Variants in SEC31A observed in about 807,000 individuals in gnomAD.
SEC31A encodes the protein protein transport protein Sec31A.
In SEC31A, 70 loss-of-function variants were observed where a neutral mutation model predicts 151.0. The ratio of observed to expected loss-of-function variants is 0.46; its 90% CI spans 0.38 to 0.57. The LOEUF (loss-of-function observed/expected upper bound fraction) is 0.57, where lower values mean the gene tolerates loss of function less well. Ranked by LOEUF, SEC31A falls within the 20% of genes least tolerant of loss-of-function variation. SEC31A has a pLI of 0.00. For synonymous variants in SEC31A, 475 were observed against 505.9 expected, an observed-to-expected ratio of 0.94 and a Z score of 0.82; for missense variants, 1,330 against 1,471.2, an observed-to-expected ratio of 0.90 and a Z score of 1.57.
chr4:82,822,474 G>A (rs562158867), intron 25 of SEC31A, among the ~76,000 whole-genome samples: 1 of 152,262 alleles, frequency 6.6e-6, no homozygotes, highest in Admixed American at 6.5e-5. Flanking sequence ...AATGCTCTTG[G>A]TGTGTTCAAG....
At chr4:82,841,948 G>C (rs1228860227) in intron 22 of SEC31A, among the ~76,000 whole-genome samples, 192 bp downstream of exon 22, 1 of 151,360 alleles carries the variant, frequency 6.6e-6, no homozygotes, top group Non-Finnish European at 1.5e-5. Context: ...CTACAGCCTG[G>C]GTGACAGAGA....
intron 23 of SEC31A, among the ~76,000 whole-genome samples, chr4:82,827,987 TC>T (rs1266429542): frequency 6.6e-6 from 1 of 151,834 alleles, no homozygotes; most frequent in African/African-American, 2.4e-5. Flanking sequence ...CAATCTCAGC[TC>T]ACTGCAACCT....
intron 1 of SEC31A, among the ~76,000 whole-genome samples, chr4:82,889,752 T>C (rs972734988): frequency 1.3e-5 from 2 of 152,240 alleles, no homozygotes; most frequent in Admixed American, 6.5e-5. Context: ...TTAAGCAATA[T>C]CATTATAAAT....
chr4:82,894,330 AT>A (rs1719969963), upstream of SEC31A: 1 of 152,034 alleles, frequency 6.6e-6, no homozygotes, highest in African/African-American at 2.4e-5. Flanking sequence ...TCCTGTTACA[AT>A]TTTTCAATGA....
At chr4:82,840,778 G>A (rs950201132) in intron 22 of SEC31A, among the ~76,000 whole-genome samples, 2 of 152,088 alleles carry the variant, frequency 1.3e-5, no homozygotes, top group Non-Finnish European at 2.9e-5. Flanking sequence ...CATGGTATTT[G>A]TGTTCTAAAC....
chr4:82,859,837 G>A (rs1343722427), intron 14 of SEC31A, among the ~76,000 whole-genome samples: 1 of 150,170 alleles, frequency 6.7e-6, no homozygotes, highest in South Asian at 2.1e-4. Flanking sequence ...TGTCGCCCAG[G>A]CTGGAGTGCA....
intron 20 of SEC31A, 57 bp from the exon 21 acceptor site, chr4:82,844,566 A>G (rs1729642595): frequency 7.2e-6 from 11 of 1,528,608 alleles, no homozygotes; most frequent in Middle Eastern, 1.7e-4. Context: ...GAACTTCACC[A>G]GATGGAATTA....
intron 22 of SEC31A, among the ~76,000 whole-genome samples, chr4:82,836,604 A>G (rs1035333622): frequency 7.2e-5 from 11 of 152,180 alleles, no homozygotes; most frequent in African/African-American, 2.7e-4. Context: ...CAGTCAAAAA[A>G]GCCAAACACA....
At chr4:82,882,772 T>C (rs2125863947) in intron 1 of SEC31A, among the ~76,000 whole-genome samples, 1 of 152,370 alleles carries the variant, frequency 6.6e-6, no homozygotes, top group South Asian at 2.1e-4. Context: ...AACTGGTCAC[T>C]TCAAGGTATA....
Position 82,861,656 on chromosome 4 carries a change from G to T in SEC31A, c.1601C>A (p.Ala534Asp), listed in dbSNP as rs1281320618. 1.9e-6 allele frequency: 3 copies of T among 1,610,158 alleles called. No homozygotes were observed. Residue 534 changes from alanine (A) to aspartate (D), a missense_variant, in exon 14 of 27, where the codon GCT becomes GAT. Ala to Asp is a moderately radical substitution (Grantham distance 126). Transcript: ENST00000395310. ...VAQSDGEESP[A>D]AEEQLLGEHI... ...CTCTCCCAAGAGCTGCTCTTCAGCA[G>T]CAGGGCTCTCCTCCCCATCACTCTG...
chr4:82,858,564 A>ATC (rs1560627858), intron 14 of SEC31A, among the ~76,000 whole-genome samples: 2 of 143,726 alleles, frequency 1.4e-5, no homozygotes, highest in Non-Finnish European at 3.0e-5. Flanking sequence ...AAAAAAAAAA[A>ATC]AAAAAAGAAC....
At chr4:82,835,067 G>A (rs1193932664) in intron 22 of SEC31A, among the ~76,000 whole-genome samples, 1 of 152,044 alleles carries the variant, frequency 6.6e-6, no homozygotes, top group Non-Finnish European at 1.5e-5. Flanking sequence ...GGCTGGTCTC[G>A]AACTCCTAAC....
intron 22 of SEC31A, among the ~76,000 whole-genome samples, chr4:82,838,942 G>C (rs1385195618): frequency 6.6e-6 from 1 of 152,140 alleles, no homozygotes; most frequent in Non-Finnish European, 1.5e-5. Context: ...AAACAAAATT[G>C]TTATCTAAGA....
At chr4:82,869,385 C>T (rs1736143877) in intron 8 of SEC31A, among the ~76,000 whole-genome samples, 1 of 151,992 alleles carries the variant, frequency 6.6e-6, no homozygotes, top group Non-Finnish European at 1.5e-5. Flanking sequence ...CCGCCTCAGC[C>T]TCCCAAAGTG....
At chr4:82,821,548 C>CAACA (rs778336977) in intron 25 of SEC31A, 2 of 66,286 alleles carry the variant, frequency 3.0e-5, no homozygotes, top group African/African-American at 1.3e-4. Context: ...GACTCCGTCT[C>CAACA]AAAAAAAAAA....
chr4:82,874,247 G>A (rs900097511), intron 6 of SEC31A, among the ~76,000 whole-genome samples: 1 of 150,990 alleles, frequency 6.6e-6, no homozygotes, highest in African/African-American at 2.4e-5. Context: ...GCAGTGAGCC[G>A]AGATCACGCC....
intron 7 of SEC31A, chr4:82,871,337 CAA>C (rs1736623486): frequency 6.8e-7 from 1 of 1,479,990 alleles, no homozygotes; most frequent in Non-Finnish European, 9.0e-7. Context: ...CACACACACA[CAA>C]GTAACGTAGG....
In SEC31A at chr4:82,882,037, T is replaced by C. The variant is rs538095853; in HGVS notation, c.-4-97A>G. 93 of 902,414 alleles carry C rather than the reference T, an allele frequency of 1.0e-4. 1 individual carries two copies. In the South Asian group the frequency reaches 1.2e-3, roughly 12 times the overall value. The allele number at this position is 902,414 out of a possible 1,614,324, so 55.9% of individuals were successfully genotyped here. A position where few individuals can be genotyped will look rare whatever the true frequency, so the allele number is the denominator to read the frequency against. On this transcript the variant is annotated intron_variant, in intron 1 of 26. Transcript: ENST00000395310. The stretch of plus-strand genomic sequence containing the variant: ...AATAGAAACATACTGAACAAACCAC[T>C]ACAACATTAGTAATGCCCAACTGCA...
intron 1 of SEC31A, chr4:82,890,664 C>A: frequency 1.2e-6 from 1 of 823,828 alleles, no homozygotes. Flanking sequence ...TTAAATCTGG[C>A]AATAGTTCAA....
Sources: allele counts gnomAD v4.1 joint callset (sites outside exome capture counted in the v4.1 genomes callset), GRCh38; gene constraint gnomAD v4.1.1; transcripts MANE v1.5; gene names NCBI Gene and HGNC (gene_info 2026-07-23, HGNC 2026-07-21).